Variants in LINGO2 observed in about 807,000 individuals in gnomAD.
The protein encoded by LINGO2 is leucine-rich repeat and immunoglobulin-like domain-containing nogo receptor-interacting protein 2.
Under a neutral mutation model 30.6 loss-of-function variants are expected in LINGO2, and 14 were observed. The ratio of observed to expected loss-of-function variants is 0.46; its 90% CI spans 0.30 to 0.72. The LOEUF (loss-of-function observed/expected upper bound fraction) is 0.72, where lower values mean the gene tolerates loss of function less well. Among genes scored for constraint, LINGO2 ranks in the 30% least tolerant of loss-of-function variants. The pLI is 0.07. For synonymous variants in LINGO2, 317 were observed against 288.5 expected (o/e 1.10, Z -1.00); for missense variants, 729 against 751.7 (o/e 0.97, Z 0.35).
chr9:28,713,972 A>G, the LINGO2 span, among the ~76,000 whole-genome samples: 2 of 151,888 alleles, frequency 1.3e-5, no homozygotes, highest in African/African-American at 4.8e-5. Flanking sequence ...AGCCTGCCCA[A>G]CATGGCAAAA....
At chr9:28,767,468 T>C in the LINGO2 span, among the ~76,000 whole-genome samples, 1 of 152,046 alleles carries the variant, frequency 6.6e-6, no homozygotes, top group South Asian at 2.1e-4. Context: ...TTAGACATAA[T>C]AGTTTAGTCT....
chr9:27,950,410 A>C, exon 6 of LINGO2: 11 of 1,614,126 alleles, frequency 6.8e-6, no homozygotes, highest in Non-Finnish European at 9.3e-6. Flanking sequence ...TTGTCACTCA[A>C]GTCTATCTCT....
At chr9:28,158,092 A>G (rs944211477) in intron 4 of LINGO2, among the ~76,000 whole-genome samples, 3 of 152,066 alleles carry the variant, frequency 2.0e-5, no homozygotes, top group Admixed American at 2.0e-4. Flanking sequence ...ATATTAGTCC[A>G]TTTTCATGCT....
At position 28,277,849 on chromosome 9, in the gene LINGO2, A is replaced by C. The variant is rs71512434; in HGVS notation, c.-87+17359T>G. Among the ~76,000 whole-genome samples, 1,368 of 143,820 alleles carry C rather than the reference A, an allele frequency of 9.5e-3. 12 individuals are homozygous for C. The highest frequency in any genetic ancestry group is 0.032 in the South Asian group (143 of 4,512). The allele number at this position is 143,820 out of a possible 152,430, so 94.4% of individuals were successfully genotyped here. Reference sequence around the variant, plus strand: ...AAACAAAACAAAACAAAAAAAAAAAACAAAAAAAAAAACAACTAGAAATGA... The same window carrying C: ...AAACAAAACAAAACAAAAAAAAAAACCAAAAAAAAAAACAACTAGAAATGA... On this transcript the variant is annotated intron_variant, in intron 4 of 5. Transcript: ENST00000379992.
the LINGO2 span, among the ~76,000 whole-genome samples, chr9:29,050,228 G>T: frequency 6.6e-6 from 1 of 152,106 alleles, no homozygotes; most frequent in Non-Finnish European, 1.5e-5. Flanking sequence ...GTTTCACCAT[G>T]TTGGCCAGCT....
chr9:28,384,775 C>T (rs928480156), intron 2 of LINGO2, among the ~76,000 whole-genome samples: 1 of 151,976 alleles, frequency 6.6e-6, no homozygotes, highest in African/African-American at 2.4e-5. Flanking sequence ...GATACTTGAT[C>T]CAAACTGCTC....
At chr9:28,515,274 T>G (rs1172281030) in intron 1 of LINGO2, among the ~76,000 whole-genome samples, 1 of 149,800 alleles carries the variant, frequency 6.7e-6, no homozygotes, top group Non-Finnish European at 1.5e-5. Flanking sequence ...TGGTGCAATC[T>G]CGGCTCACTG....
At chr9:28,268,695 A>C (rs1822838442) in intron 4 of LINGO2, among the ~76,000 whole-genome samples, 1 of 152,090 alleles carries the variant, frequency 6.6e-6, no homozygotes, top group African/African-American at 2.4e-5. Flanking sequence ...CCTTTACCAA[A>C]AGAATTAAAA....
intron 1 of LINGO2, among the ~76,000 whole-genome samples, chr9:28,647,889 CTTTCTTT>C (rs1827910419): frequency 1.5e-5 from 2 of 135,606 alleles, no homozygotes; most frequent in African/African-American, 5.6e-5. Flanking sequence ...CTTTTTCTTT[CTTTCTTT>C]TTTTTTTTTT....
At chr9:27,952,153 A>G (rs1298746385) in intron 5 of LINGO2, among the ~76,000 whole-genome samples, 1 of 152,132 alleles carries the variant, frequency 6.6e-6, no homozygotes, top group African/African-American at 2.4e-5. Context: ...TAAGTGACTT[A>G]GAATACTACA....
At chr9:28,582,864 G>GTGA (rs1351665519) in intron 1 of LINGO2, among the ~76,000 whole-genome samples, 1 of 152,002 alleles carries the variant, frequency 6.6e-6, no homozygotes, top group Non-Finnish European at 1.5e-5. Context: ...AATTGGACTT[G>GTGA]TGAGTGAAAA....
At chr9:28,457,221 T>C (rs1051316128) in intron 2 of LINGO2, among the ~76,000 whole-genome samples, 2 of 152,178 alleles carry the variant, frequency 1.3e-5, no homozygotes, top group African/African-American at 4.8e-5. Flanking sequence ...ACAGTCTTCT[T>C]GCATAAGCAC....
At chr9:28,438,768 C>T (rs1456421626) in intron 2 of LINGO2, among the ~76,000 whole-genome samples, 6 of 149,902 alleles carry the variant, frequency 4.0e-5, no homozygotes, top group Non-Finnish European at 7.4e-5. Context: ...TCTTAAATTT[C>T]AGAAAGCCAG....
intron 4 of LINGO2, among the ~76,000 whole-genome samples, chr9:28,228,007 T>A (rs1821230349): frequency 6.6e-6 from 1 of 152,066 alleles, no homozygotes; most frequent in Non-Finnish European, 1.5e-5. Context: ...AAATAGTCAT[T>A]CATAAATAGA....
the LINGO2 span, among the ~76,000 whole-genome samples, chr9:28,703,258 C>T: frequency 6.6e-6 from 1 of 151,540 alleles, no homozygotes; most frequent in African/African-American, 2.4e-5. Context: ...ATTTGAAATG[C>T]TATATATTTC....
At chr9:29,192,211 G>C in the LINGO2 span, among the ~76,000 whole-genome samples, 1 of 152,060 alleles carries the variant, frequency 6.6e-6, no homozygotes, top group Non-Finnish European at 1.5e-5. Context: ...ACTTGAATTA[G>C]ATACCCCTAC....
chr9:28,593,920 A>T (rs2135717120), intron 1 of LINGO2, among the ~76,000 whole-genome samples: 1 of 152,216 alleles, frequency 6.6e-6, no homozygotes, highest in East Asian at 1.9e-4. Context: ...TTGTAGGAGA[A>T]TATGAATCAT....
chr9:28,834,812 A>G, the LINGO2 span, among the ~76,000 whole-genome samples: 1 of 152,122 alleles, frequency 6.6e-6, no homozygotes, highest in Non-Finnish European at 1.5e-5. Flanking sequence ...TGGTAATTTG[A>G]AGAATTTTGT....
chr9:28,100,375 T>C (rs1370847128), intron 4 of LINGO2, among the ~76,000 whole-genome samples: 1 of 152,066 alleles, frequency 6.6e-6, no homozygotes, highest in African/African-American at 2.4e-5. Flanking sequence ...AGCTAACTCA[T>C]AGTTTAGAGG....
Sources: gnomAD v4.1 joint callset for allele counts (sites outside exome capture counted in the v4.1 genomes callset) on GRCh38, gnomAD v4.1.1 for gene constraint, MANE v1.5 for transcripts, NCBI Gene and HGNC (gene_info 2026-07-23, HGNC 2026-07-21) for gene names.